Variants in RBFOX1 observed in about 807,000 individuals in gnomAD.
RBFOX1 encodes RNA binding fox-1 homolog 1.
A neutral mutation model predicts 57.7 loss-of-function variants in RBFOX1; 8 were observed. The observed-to-expected ratio is 0.14, with a 90% CI of 0.08 to 0.25. The LOEUF is 0.25. RBFOX1 is among the 10% of genes least tolerant of loss of function. The probability of loss-of-function intolerance (pLI) is 1.00; values close to 1 mark genes in which losing one functional copy is unlikely to be tolerated. For synonymous variants in RBFOX1, 326 were observed against 222.4 expected, an observed-to-expected ratio of 1.47 and a Z score of -4.15; for missense variants, 611 against 548.5, an observed-to-expected ratio of 1.11 and a Z score of -1.14.
intron 1 of RBFOX1, among the ~76,000 whole-genome samples, chr16:5,286,073 C>G (rs2063387753): frequency 6.6e-6 from 1 of 152,152 alleles, no homozygotes; most frequent in Non-Finnish European, 1.5e-5. Flanking sequence ...CCTGGCCAGA[C>G]TGCAGTTGTT....
At chr16:6,874,178 T>A (rs1343803135) in intron 3 of RBFOX1, among the ~76,000 whole-genome samples, 1 of 61,962 alleles carries the variant, frequency 1.6e-5, no homozygotes, top group East Asian at 1.1e-3. Flanking sequence ...CTATGGTGTG[T>A]GCATACACAC....
chr16:7,133,010 T>G (rs2070940230), intron 4 of RBFOX1, among the ~76,000 whole-genome samples: 1 of 151,828 alleles, frequency 6.6e-6, no homozygotes, highest in Non-Finnish European at 1.5e-5. Flanking sequence ...AACCAGAAAA[T>G]AAATAAATAA....
chr16:6,645,271 A>G lies in RBFOX1; in HGVS notation c.-63-9332A>G, dbSNP rs148398735. ...GTCTGCACAGACTCCATTTGCAAAC[A>G]AGGTCACATTCACAGGCACTAGGGA... On this transcript the variant is annotated intron_variant, in intron 2 of 15. Coordinates refer to ENST00000550418, the MANE Select transcript of RBFOX1 (RefSeq NM_018723.4). Among the ~76,000 whole-genome samples the G allele has an allele frequency of 3.6e-3, 553 of 152,234 alleles. 3 individuals carry two copies. The highest frequency in any genetic ancestry group is 0.013 in the African/African-American group (532 of 41,542).
rs1402266150 is a variant in RBFOX1, at chr16:7,190,433, A to G, written c.27+138335A>G. ...GTTTTTGTTGTCAGCCTTTACAAGC[A>G]TTGATGCTTCCAACTCTTCCACAAA... On this transcript the variant is annotated intron_variant, in intron 4 of 15. Transcript: ENST00000550418. Among the ~76,000 whole-genome samples, 7 of 152,306 alleles carry G rather than the reference A, an allele frequency of 4.6e-5. No individual in the cohort carries two copies. The East Asian group carries it at 1.2e-3, about 25-fold the overall frequency.
At chr16:5,290,060 A>C (rs1281258249) in intron 1 of RBFOX1, among the ~76,000 whole-genome samples, 1 of 152,258 alleles carries the variant, frequency 6.6e-6, no homozygotes, top group Non-Finnish European at 1.5e-5. Context: ...ATGAAGTACT[A>C]ACACGTGCTA....
At chr16:7,105,985 A>G (rs2063520519) in intron 4 of RBFOX1, among the ~76,000 whole-genome samples, 4 of 152,152 alleles carry the variant, frequency 2.6e-5, no homozygotes, top group Admixed American at 2.6e-4. Context: ...CAACTCTATG[A>G]AACTACTCAG....
chr16:7,494,226 T>C (rs1421873647), intron 4 of RBFOX1, among the ~76,000 whole-genome samples: 1 of 152,140 alleles, frequency 6.6e-6, no homozygotes. Flanking sequence ...TCAGATGAGA[T>C]TGGCCTTGCT....
chr16:5,904,471 T>G (rs1484951289), intron 4 of RBFOX1, among the ~76,000 whole-genome samples: 1 of 151,864 alleles, frequency 6.6e-6, no homozygotes, highest in Admixed American at 6.6e-5. Context: ...GCTAAAAGCC[T>G]CTGAGAGAGA....
At chr16:7,451,810 C>T (rs1567234687) in intron 4 of RBFOX1, among the ~76,000 whole-genome samples, 1 of 152,008 alleles carries the variant, frequency 6.6e-6, no homozygotes, top group Non-Finnish European at 1.5e-5. Flanking sequence ...CTGGCCAGCC[C>T]TCCTTCTCAC....
chr16:6,785,974 C>G (rs978184471), intron 3 of RBFOX1, among the ~76,000 whole-genome samples: 7 of 152,188 alleles, frequency 4.6e-5, no homozygotes, highest in African/African-American at 1.7e-4. Flanking sequence ...TACCAACAGA[C>G]CATCCTTCCA....
At position 5,769,051 on chromosome 16, in the gene RBFOX1, C is replaced by G. The variant is rs990167444; in HGVS notation, c.319-98252C>G. ...TCAGCAGAAAGCCTTGTTATAAAGC[C>G]TATAAACTACCAACAGGTCAAAAAG... is the stretch of plus-strand genomic sequence containing the variant. On this transcript the variant is annotated intron_variant, in intron 3 of 19. Transcript: ENST00000641259. Among the ~76,000 whole-genome samples, 7 of 151,400 alleles carry G rather than the reference C, an allele frequency of 4.6e-5. No individual in the cohort carries two copies. In the South Asian group the frequency reaches 1.0e-3, roughly 23 times the overall value.
chr16:6,992,535 G>C lies in RBFOX1; in HGVS notation c.-15-59522G>C, dbSNP rs17141975. Among the ~76,000 whole-genome samples, 630 of 152,122 alleles carry C rather than the reference G, an allele frequency of 4.1e-3. 4 individuals carry two copies. The highest frequency in any genetic ancestry group is 7.8e-3 in the Non-Finnish European group (527 of 67,984). Reference sequence around the variant, plus strand: ...AGCCTAGCAATTCCTTAAGTACCTTGTTCATCCCTTCCAAGGTCAGCTTGG... The same window carrying C: ...AGCCTAGCAATTCCTTAAGTACCTTCTTCATCCCTTCCAAGGTCAGCTTGG... On this transcript the variant is annotated intron_variant, in intron 3 of 15. Coordinates refer to ENST00000550418, the MANE Select transcript of RBFOX1 (RefSeq NM_018723.4).
chr16:5,565,298 T>C (rs540292524), intron 2 of RBFOX1, among the ~76,000 whole-genome samples: 9 of 150,100 alleles, frequency 6.0e-5, no homozygotes, highest in African/African-American at 2.0e-4. Flanking sequence ...CGTGTGTTCA[T>C]GTGCATGCAT....
At chr16:5,403,349 CAAA>C (rs767830099) in intron 1 of RBFOX1, among the ~76,000 whole-genome samples, 6 of 82,256 alleles carry the variant, frequency 7.3e-5, no homozygotes, top group African/African-American at 2.1e-4. Flanking sequence ...AACGCTGTCT[CAAA>C]AAAAAAAAAA....
At chr16:6,255,528 C>T (rs567890363) in intron 1 of RBFOX1, among the ~76,000 whole-genome samples, 1 of 152,206 alleles carries the variant, frequency 6.6e-6, no homozygotes, top group South Asian at 2.1e-4. Context: ...GAGGACCCCT[C>T]CTCATACAAA....
chr16:6,082,549 C>G (rs1179675706), intron 1 of RBFOX1, among the ~76,000 whole-genome samples: 1 of 151,594 alleles, frequency 6.6e-6, no homozygotes, highest in East Asian at 1.9e-4. Flanking sequence ...TTTTCCCTTT[C>G]AAATAGGGCT....
chr16:6,929,780 A>G (rs1173824441), intron 3 of RBFOX1, among the ~76,000 whole-genome samples: 1 of 152,190 alleles, frequency 6.6e-6, no homozygotes, highest in African/African-American at 2.4e-5. Context: ...AATATCCTGT[A>G]GCTTTTTTTA....
At chr16:6,168,076 C>T (rs1459333792) in intron 1 of RBFOX1, among the ~76,000 whole-genome samples, 7 of 152,124 alleles carry the variant, frequency 4.6e-5, no homozygotes, top group Admixed American at 4.6e-4. Context: ...GGAGACATAT[C>T]TATTAAAGCT....
At chr16:6,610,114 A>C (rs2098021751) in intron 2 of RBFOX1, among the ~76,000 whole-genome samples, 1 of 152,196 alleles carries the variant, frequency 6.6e-6, no homozygotes, top group South Asian at 2.1e-4. Flanking sequence ...GAGGTAGATG[A>C]CATTCAAAGT....
Sources: allele counts gnomAD v4.1 joint callset (sites outside exome capture counted in the v4.1 genomes callset), GRCh38; gene constraint gnomAD v4.1.1; transcripts MANE v1.5; gene names NCBI Gene and HGNC (gene_info 2026-07-23, HGNC 2026-07-21).